OPTN: variants seen among roughly 807,000 people sequenced by gnomAD.
OPTN encodes the protein optineurin.
Under a neutral mutation model 70.4 loss-of-function variants are expected in OPTN, and 54 were observed. The ratio of observed to expected loss-of-function variants is 0.77; its 90% confidence interval spans 0.62 to 0.96. The LOEUF (loss-of-function observed/expected upper bound fraction) is 0.96, where lower values mean the gene tolerates loss of function less well. OPTN is among the 40% of genes least tolerant of loss of function. The pLI is 0.00. For synonymous variants in OPTN, 256 were observed against 248.5 expected (o/e 1.03, Z -0.28); for missense variants, 624 against 673.2 (o/e 0.93, Z 0.81).
intron 1 of OPTN, among the ~76,000 whole-genome samples, chr10:13,107,936 G>C (rs943867097): frequency 2.0e-5 from 3 of 152,164 alleles, no homozygotes; most frequent in Non-Finnish European, 4.4e-5. Context: ...TGGGTGGTTG[G>C]TAACACAGAA....
chr10:13,120,320 C>T (rs1412173996), intron 7 of OPTN, among the ~76,000 whole-genome samples: 6 of 152,080 alleles, frequency 3.9e-5, no homozygotes, highest in Non-Finnish European at 5.9e-5. Flanking sequence ...TTCTGTGGAT[C>T]GTCTTTTCCC....
chr10:13,134,935 G>C (rs1026244343), intron 14 of OPTN, among the ~76,000 whole-genome samples: 8 of 152,148 alleles, frequency 5.3e-5, no homozygotes, highest in African/African-American at 1.9e-4. Context: ...GGGAGTCAGA[G>C]AGCAAAGGCA....
At chr10:13,115,002 TATTTA>T (rs1564359151) in intron 5 of OPTN, among the ~76,000 whole-genome samples, 1 of 74,666 alleles carries the variant, frequency 1.3e-5, no homozygotes, top group African/African-American at 5.6e-5. Flanking sequence ...TATTTATATA[TATTTA>T]TATATATAGA....
intron 8 of OPTN, 97 bp downstream of exon 8, chr10:13,122,584 A>T: frequency 1.2e-6 from 1 of 820,608 alleles, no homozygotes; most frequent in Non-Finnish European, 2.1e-6. Flanking sequence ...TTGCTTTAGA[A>T]ATATAGAAAT....
At chr10:13,104,758 G>C (rs559725714) in intron 1 of OPTN, 20 of 649,020 alleles carry the variant, frequency 3.1e-5, no homozygotes, top group Non-Finnish European at 5.2e-5. Context: ...ATAACTTCTT[G>C]TCCATAAATC....
chr10:13,115,241 A>ATT (rs374980487), intron 5 of OPTN, among the ~76,000 whole-genome samples: 4 of 24,292 alleles, frequency 1.6e-4, no homozygotes, highest in Non-Finnish European at 2.8e-4. Flanking sequence ...ATATATCTAT[A>ATT]TATATCTATA....
intron 2 of OPTN, among the ~76,000 whole-genome samples, chr10:13,108,615 T>C (rs930710294): frequency 6.6e-6 from 1 of 151,606 alleles, no homozygotes; most frequent in Admixed American, 6.6e-5. Context: ...GGCGCGATCT[T>C]GGCTCACTGC....
intron 5 of OPTN, among the ~76,000 whole-genome samples, chr10:13,115,240 T>TATATATATTTATAAATATAG (rs1833146871): frequency 1.2e-5 from 1 of 86,338 alleles, no homozygotes; most frequent in Non-Finnish European, 2.0e-5. Context: ...GATATATCTA[T>TATATATATTTATAAATATAG]ATATATCTAT....
chr10:13,119,747 C>T (rs1471799695), intron 7 of OPTN, among the ~76,000 whole-genome samples: 2 of 152,174 alleles, frequency 1.3e-5, no homozygotes, highest in Non-Finnish European at 2.9e-5. Flanking sequence ...CTTCAGCCAT[C>T]CTAGTGGATG....
chr10:13,102,661 G>A (rs1236749594), intron 1 of OPTN, among the ~76,000 whole-genome samples: 1 of 152,158 alleles, frequency 6.6e-6, no homozygotes, highest in Non-Finnish European at 1.5e-5. Context: ...CACTTAGAAG[G>A]GCCAGGCATG....
In OPTN at chr10:13,134,807, C is replaced by A. The variant is rs115752913; in HGVS notation, c.1612+1226C>A. 4.7e-3 allele frequency among the ~76,000 whole-genome samples: 712 copies of A among 152,250 alleles called. 5 individuals are homozygous for A. Among genetic ancestry groups the A allele is most frequent in the African/African-American group, 0.015 (618 of 41,548 alleles). ...AACTCCTGACCTCAGGTGACCCACC[C>A]ACCCAGGAGAGGTCTCCTAGAACAG... On this transcript the variant is annotated intron_variant, in intron 14 of 14. Coordinates refer to ENST00000378747, the MANE Select transcript of OPTN (RefSeq NM_001008212.2).
chr10:13,101,272 G>A (rs1358166631), intron 1 of OPTN, among the ~76,000 whole-genome samples: 1 of 152,136 alleles, frequency 6.6e-6, no homozygotes, highest in African/African-American at 2.4e-5. Flanking sequence ...TTTTTCCACT[G>A]GGCCAATTTT....
intron 12 of OPTN, among the ~76,000 whole-genome samples, chr10:13,128,285 T>C (rs1238280806): frequency 1.3e-5 from 2 of 152,122 alleles, no homozygotes; most frequent in African/African-American, 2.4e-5. Flanking sequence ...TCCAGAGTGG[T>C]TGGACCAGTT....
chr10:13,133,675 C>A, intron 14 of OPTN, 94 bp downstream of exon 14: 1 of 1,141,770 alleles, frequency 8.8e-7, no homozygotes, highest in Non-Finnish European at 1.3e-6. Flanking sequence ...ACAATGGATT[C>A]CAAATCAAGG....
chr10:13,132,740 G>A (rs1017519812), intron 13 of OPTN, among the ~76,000 whole-genome samples: 1 of 152,160 alleles, frequency 6.6e-6, no homozygotes, highest in South Asian at 2.1e-4. Context: ...TGAAATATTC[G>A]TAGCACTTTA....
chr10:13,120,802 A>T (rs78092721), intron 7 of OPTN, among the ~76,000 whole-genome samples: 1 of 152,146 alleles, frequency 6.6e-6, no homozygotes, highest in Admixed American at 6.5e-5. Context: ...TCATACTTAT[A>T]TGAAGAACCG....
intron 1 of OPTN, chr10:13,104,769 C>T (rs1249702738): frequency 1.6e-6 from 1 of 619,652 alleles, no homozygotes; most frequent in Non-Finnish European, 3.0e-6. Context: ...TCCATAAATC[C>T]CTTCTAGCCA....
chr10:13,106,590 AG>A (rs1363666408), intron 1 of OPTN, among the ~76,000 whole-genome samples: 4 of 152,228 alleles, frequency 2.6e-5, no homozygotes, highest in African/African-American at 9.6e-5. Flanking sequence ...GAAGTGGCAC[AG>A]GCTGTACTGT....
chr10:13,126,045 C>T lies in OPTN; in HGVS notation c.1242+6C>T, dbSNP rs906152658. 22 of 1,578,376 alleles carry T rather than the reference C, an allele frequency of 1.4e-5. No individual in the cohort carries two copies. The highest frequency in any genetic ancestry group is 1.7e-5 in the Non-Finnish European group (20 of 1,148,144). On this transcript the variant is annotated splice_donor_region_variant and intron_variant, in intron 11 of 14. Coordinates refer to ENST00000378747, the MANE Select transcript of OPTN (RefSeq NM_001008212.2). ...AGGAACTAACAAGAAAAGAGGTATT[C>T]ACTGAAAAAAATTACTTCCATAGCC...
Sources: allele counts gnomAD v4.1 joint callset (sites outside exome capture counted in the v4.1 genomes callset), GRCh38; gene constraint gnomAD v4.1.1; transcripts MANE v1.5; gene names NCBI Gene and HGNC (gene_info 2026-07-23, HGNC 2026-07-21).